Variants in PTPRN2 observed in about 807,000 individuals in gnomAD.
The protein encoded by PTPRN2 is receptor-type tyrosine-protein phosphatase N2.
PTPRN2 carries 74 observed loss-of-function variants against 118.8 expected under a neutral mutation model. The ratio of observed to expected loss-of-function variants is 0.62; its 90% CI spans 0.52 to 0.76. PTPRN2 has a LOEUF of 0.76. PTPRN2 is among the 30% of genes least tolerant of loss of function. The pLI, the probability that PTPRN2 is intolerant of heterozygous loss-of-function variation, is 0.00. For synonymous variants in PTPRN2, 641 were observed against 608.0 expected (o/e 1.05, Z -0.80); for missense variants, 1,481 against 1,394.4 (o/e 1.06, Z -0.99).
At chr7:158,478,376 A>T (rs78448925) in intron 2 of PTPRN2, among the ~76,000 whole-genome samples, 1 of 152,172 alleles carries the variant, frequency 6.6e-6, no homozygotes, top group Non-Finnish European at 1.5e-5. Flanking sequence ...TTCTCCTGGC[A>T]TTCGGTGCTG....
In PTPRN2 at chr7:157,874,568, GA is replaced by G. The variant is rs1298437349; in HGVS notation, c.1788+24104del. On this transcript the variant is annotated intron_variant, in intron 12 of 22. Transcript: ENST00000389418. The surrounding 1 kb of genome is among the most constrained non-coding windows in gnomAD (Gnocchi z 5.8). ...CGGGGTCACCTGCACGGCCTCTCGT[GA>G]GTAGGGGGATTTCCTACTCGCTCCA... 1.2e-4 allele frequency among the ~76,000 whole-genome samples: 19 copies of G among 152,162 alleles called. No individual in the cohort carries two copies. Among genetic ancestry groups the G allele is most frequent in the African/African-American group, 4.6e-4 (19 of 41,424 alleles).
Position 157,621,425 on chromosome 7 carries a change from T to C in PTPRN2, c.2281A>G (p.Ser761Gly), listed in dbSNP as rs868406760. Reference sequence around the variant, plus strand: ...TCCTCCCTCTGGGCCACGAACGAGCTGTTGGGCTCCGCCTGGTAGGCGCAC... The same window carrying C: ...TCCTCCCTCTGGGCCACGAACGAGCCGTTGGGCTCCGCCTGGTAGGCGCAC... Reference protein sequence around the residue: ...ALCAYQAEPNSSFVAQREENV... With the variant: ...ALCAYQAEPNGSFVAQREENV... The change falls in exon 15 of 23, where the codon AGC (serine) becomes GGC (glycine). Residue 761 changes from serine (S) to glycine (G), a missense_variant. Physicochemically the swap from Ser to Gly is moderately conservative, Grantham distance 56 (BLOSUM62 0). Coordinates refer to ENST00000389418, the MANE Select transcript of PTPRN2 (RefSeq NM_002847.5). 23 of 1,613,604 alleles carry C rather than the reference T, an allele frequency of 1.4e-5. No individual in the cohort carries two copies. Among genetic ancestry groups the C allele is most frequent in the Middle Eastern group, 3.3e-4 (2 of 6,082 alleles).
chr7:157,999,080 C>T lies in PTPRN2; in HGVS notation c.1723+82218G>A, dbSNP rs144352055. Among the ~76,000 whole-genome samples, 367 of 152,046 alleles carry T rather than the reference C, an allele frequency of 2.4e-3. 2 individuals are homozygous for T. The highest frequency in any genetic ancestry group is 8.3e-3 in the African/African-American group (344 of 41,460). ...AGCGGCCGTAGGGGTCCGCCCTGGC[C>T]CCTACACTATGCCCACCAAGAGGAC... On this transcript the variant is annotated intron_variant, in intron 11 of 22. Coordinates refer to ENST00000389418, the MANE Select transcript of PTPRN2 (RefSeq NM_002847.5).
chr7:157,873,693 G>T (rs1795528572), intron 12 of PTPRN2, among the ~76,000 whole-genome samples: 1 of 151,310 alleles, frequency 6.6e-6, no homozygotes, highest in South Asian at 2.1e-4. Flanking sequence ...CGTCGTGGGG[G>T]CCGGGAGGAG....
rs2151083427 is a variant in PTPRN2 at position 157,794,625 on chromosome 7, A to C, written c.1788+104048T>G. Among the ~76,000 whole-genome samples the C allele has an allele frequency of 6.6e-6, 1 of 152,210 alleles. No individual in the cohort carries two copies. The highest frequency in any genetic ancestry group is 6.5e-5 in the Admixed American group (1 of 15,296). The stretch of plus-strand genomic sequence containing the variant: ...ATCGCCTCTGTGAACACCCACTAAA[A>C]CCGTAAGTGGGAAAAGTGGGTGCCT... On this transcript the variant is annotated intron_variant, in intron 12 of 22. Coordinates refer to ENST00000389418, the MANE Select transcript of PTPRN2 (RefSeq NM_002847.5). The surrounding 1 kb of genome is among the most constrained non-coding windows in gnomAD (Gnocchi z 5.2).
At chr7:157,980,913 C>T (rs1490882291) in intron 11 of PTPRN2, among the ~76,000 whole-genome samples, 4 of 152,092 alleles carry the variant, frequency 2.6e-5, no homozygotes, top group South Asian at 2.1e-4. Context: ...ACCTCCCACA[C>T]GGGCACTGGG....
At chr7:158,382,595 G>A (rs1412116518) in intron 2 of PTPRN2, among the ~76,000 whole-genome samples, 2 of 152,176 alleles carry the variant, frequency 1.3e-5, no homozygotes, top group Admixed American at 6.5e-5. Flanking sequence ...GCAGGTGTGC[G>A]AGCATTCCCG....
At chr7:158,228,164 T>A (rs1428862421) in intron 3 of PTPRN2, among the ~76,000 whole-genome samples, 2 of 152,214 alleles carry the variant, frequency 1.3e-5, no homozygotes, top group African/African-American at 4.8e-5. Context: ...TGTTGTTATA[T>A]GTTCACACTT....
intron 11 of PTPRN2, among the ~76,000 whole-genome samples, chr7:158,055,701 CT>C (rs754439904): frequency 2.0e-5 from 3 of 152,212 alleles, no homozygotes; most frequent in Non-Finnish European, 4.4e-5. Context: ...GAAGGGCCCC[CT>C]GTCCAGTGGA....
chr7:157,573,424 C>A (rs1799857521), intron 19 of PTPRN2, among the ~76,000 whole-genome samples: 2 of 152,242 alleles, frequency 1.3e-5, no homozygotes, highest in Admixed American at 1.3e-4. Context: ...GTGTTTCACA[C>A]CTCGTGGTCC....
At chr7:158,402,565 C>T (rs1813028700) in intron 2 of PTPRN2, among the ~76,000 whole-genome samples, 1 of 152,236 alleles carries the variant, frequency 6.6e-6, no homozygotes, top group African/African-American at 2.4e-5. Flanking sequence ...CAGGGGCTTA[C>T]TCCATATTTG....
chr7:158,202,560 C>T (rs1327156030), intron 4 of PTPRN2, among the ~76,000 whole-genome samples: 11 of 152,088 alleles, frequency 7.2e-5, no homozygotes, highest in Non-Finnish European at 1.3e-4. Flanking sequence ...CCAGAGGACC[C>T]GATGGAGCTT....
At chr7:157,545,784 C>A (rs748770320) in intron 22 of PTPRN2, among the ~76,000 whole-genome samples, 30 of 152,278 alleles carry the variant, frequency 2.0e-4, no homozygotes, top group Non-Finnish European at 3.8e-4. Context: ...TGGTCATGGT[C>A]TCCGGGTGCT....
chr7:157,999,011 G>A (rs1805008845), intron 11 of PTPRN2, among the ~76,000 whole-genome samples: 1 of 151,906 alleles, frequency 6.6e-6, no homozygotes, highest in Non-Finnish European at 1.5e-5. Flanking sequence ...CTACAGTGCT[G>A]ACAGTGTGGG....
intron 11 of PTPRN2, among the ~76,000 whole-genome samples, chr7:157,962,075 G>A (rs866293067): frequency 1.2e-4 from 19 of 152,196 alleles, no homozygotes; most frequent in Admixed American, 7.2e-4. Flanking sequence ...CTACTCTGGC[G>A]GGAAACACAG....
At position 157,867,452 on chromosome 7, in the gene PTPRN2, C is replaced by T. The variant is rs531046514; in HGVS notation, c.1788+31221G>A. On this transcript the variant is annotated intron_variant, in intron 12 of 22. Coordinates refer to ENST00000389418, the MANE Select transcript of PTPRN2 (RefSeq NM_002847.5). Reference sequence around the variant, plus strand: ...TACACGGCCACCACCCCGCCCCTGACGCTCTGGATACAGGGCCACCACCCT... The same window carrying T: ...TACACGGCCACCACCCCGCCCCTGATGCTCTGGATACAGGGCCACCACCCT... Among the ~76,000 whole-genome samples the T allele has an allele frequency of 4.6e-4, 60 of 129,726 alleles. 3 individuals are homozygous for T. The East Asian group carries it at 0.01, about 22-fold the overall frequency. 85.1% of individuals were successfully genotyped at this position (129,726 alleles called of 152,430 possible).
rs1306001233 is a variant in PTPRN2 at position 158,151,112 on chromosome 7, C to T, written c.911-12597G>A. On this transcript the variant is annotated intron_variant, in intron 6 of 22. Coordinates refer to ENST00000389418, the MANE Select transcript of PTPRN2 (RefSeq NM_002847.5). Reference sequence around the variant, plus strand: ...GCCCAAACCGCCCGCCTTTCTGCTCCTACCCCTGCCCACACCGCCCGCCTT... The same window carrying T: ...GCCCAAACCGCCCGCCTTTCTGCTCTTACCCCTGCCCACACCGCCCGCCTT... Among the ~76,000 whole-genome samples the T allele has an allele frequency of 4.5e-4, 26 of 57,942 alleles. 3 individuals are homozygous for T. In the South Asian group the frequency reaches 7.5e-3, roughly 17 times the overall value. The allele number at this position is 57,942 out of a possible 152,430, so 38.0% of individuals were successfully genotyped here. A position where few individuals can be genotyped will look rare whatever the true frequency, so the allele number is the denominator to read the frequency against.
chr7:158,316,763 G>T, intron 3 of PTPRN2, 56 bp downstream of exon 3: 2 of 1,326,758 alleles, frequency 1.5e-6, no homozygotes, highest in African/African-American at 1.5e-5. Flanking sequence ...GAGAAGCCAA[G>T]CCCGTGCGGT....
intron 6 of PTPRN2, among the ~76,000 whole-genome samples, chr7:158,156,378 A>G (rs1472819250): frequency 6.6e-6 from 1 of 152,230 alleles, no homozygotes; most frequent in East Asian, 1.9e-4. Context: ...TTGCACACTC[A>G]GAACGTGAAC....
Sources: allele counts gnomAD v4.1 joint callset (sites outside exome capture counted in the v4.1 genomes callset), GRCh38; gene constraint gnomAD v4.1.1; non-coding constraint Gnocchi (gnomAD v3.1); transcripts MANE v1.5; gene names NCBI Gene and HGNC (gene_info 2026-07-23, HGNC 2026-07-21).